The following EMP3 variants were observed in gnomAD, a reference collection of about 807,000 sequenced individuals.
The protein encoded by EMP3 is epithelial membrane protein 3 (MAM blood group), also known as epithelial membrane protein 3.
EMP3 carries 15 observed loss-of-function variants against 21.6 expected under a neutral mutation model. The observed-to-expected ratio is 0.69, with a 90% CI of 0.46 to 1.07. The LOEUF (loss-of-function observed/expected upper bound fraction) is 1.07, where lower values mean the gene tolerates loss of function less well. EMP3 is among the 50% of genes least tolerant of loss of function. EMP3 has a pLI of 0.00. For synonymous variants in EMP3, 107 were observed against 86.1 expected (o/e 1.24, Z -1.34); for missense variants, 183 against 206.6 (o/e 0.89, Z 0.70).
rs566153158 is a variant in EMP3, at chr19:48,327,503, G to T, written c.79-18G>T. 6.3e-7 allele frequency: 1 copy of T among 1,597,522 alleles called. No homozygotes were observed. The highest frequency in any genetic ancestry group is 1.3e-5 in the African/African-American group (1 of 74,562). The stretch of plus-strand genomic sequence containing the variant: ...CTTTCCTAACCCTGCCCCTTGTTTC[G>T]TTCTCTGTCCATCCCAGTCCTGGTG... On this transcript the variant is annotated intron_variant, in intron 2 of 4. Transcript: ENST00000270221.
At chr19:48,330,209 CGG>C in intron 4 of EMP3, 90 bp from the exon 5 acceptor site, 1 of 1,453,326 alleles carries the variant, frequency 6.9e-7, no homozygotes, top group Non-Finnish European at 9.1e-7. Context: ...GCGCTGCCCA[CGG>C]GCCCTCCGGC....
At chr19:48,328,411 C>CA (rs746709296) in intron 3 of EMP3, among the ~76,000 whole-genome samples, 33,391 of 80,372 alleles carry the variant, frequency 0.42, 6,095 homozygotes, top group Non-Finnish European at 0.47. Context: ...GATTCTGTCT[C>CA]AAAAAAAAAA....
chr19:48,326,813 C>T lies in EMP3; in HGVS notation c.-15-17C>T. The T allele has an allele frequency of 6.2e-7, 1 of 1,610,004 alleles. No individual in the cohort carries two copies. Among genetic ancestry groups the T allele is most frequent in the African/African-American group, 1.3e-5 (1 of 74,896 alleles). On this transcript the variant is annotated splice_polypyrimidine_tract_variant and intron_variant, in intron 1 of 4. Coordinates refer to ENST00000270221, the MANE Select transcript of EMP3 (RefSeq NM_001425.3). ...TGCCAACCTCTTGAGACTCCGTCCC[C>T]TGCTCCCCCTCCCCAGGCTTCCACT... is the stretch of plus-strand genomic sequence containing the variant.
intron 1 of EMP3, among the ~76,000 whole-genome samples, chr19:48,326,401 C>G (rs1332389574): frequency 6.6e-6 from 1 of 152,104 alleles, no homozygotes; most frequent in African/African-American, 2.4e-5. Context: ...TCTCAGGAAT[C>G]CAGGCCCCAG....
intron 2 of EMP3, among the ~76,000 whole-genome samples, chr19:48,327,156 C>G (rs1050168549): frequency 1.3e-5 from 2 of 152,132 alleles, no homozygotes; most frequent in Admixed American, 1.3e-4. Context: ...TCTCAGCCCC[C>G]CAAGTAGCTG....
chr19:48,330,200 C>G (rs1969183165), intron 4 of EMP3, 101 bp from the exon 5 acceptor site: 2 of 1,441,860 alleles, frequency 1.4e-6, no homozygotes, highest in Admixed American at 5.4e-5. Flanking sequence ...CAGGCAGCGG[C>G]GCTGCCCACG....
intron 2 of EMP3, 50 bp from the exon 3 acceptor site, chr19:48,327,471 C>A: frequency 7.1e-7 from 1 of 1,402,360 alleles, no homozygotes. Context: ...TGACCCTATC[C>A]CCTCTCCTTT....
intron 2 of EMP3, among the ~76,000 whole-genome samples, 195 bp downstream of exon 2, chr19:48,327,117 C>T (rs1260209201): frequency 2.0e-5 from 3 of 152,140 alleles, no homozygotes; most frequent in Admixed American, 6.5e-5. Flanking sequence ...ACTGCAACCT[C>T]GGCCTCCCGG....
chr19:48,329,585 TC>T lies in EMP3; in HGVS notation c.322+94del. On this transcript the variant is annotated intron_variant, in intron 4 of 4. Transcript: ENST00000270221. The surrounding 1 kb of genome is among the most constrained non-coding windows in gnomAD (Gnocchi z 4.5). Reference sequence around the variant, plus strand: ...ATGCTGGGGGCCCTGAGAATGGGCCTCTCGTAGAAAAAAACAACTTTCAACA... The same window carrying T: ...ATGCTGGGGGCCCTGAGAATGGGCCTTCGTAGAAAAAAACAACTTTCAACA... 2 of 1,514,488 alleles carry T rather than the reference TC, an allele frequency of 1.3e-6. No individual in the cohort carries two copies. The allele number at this position is 1,514,488 out of a possible 1,614,324, so 93.8% of individuals were successfully genotyped here. A position where few individuals can be genotyped will look rare whatever the true frequency, so the allele number is the denominator to read the frequency against.
intron 4 of EMP3, 69 bp from the exon 5 acceptor site, chr19:48,330,232 C>T: frequency 2.0e-6 from 3 of 1,474,860 alleles, no homozygotes; most frequent in South Asian, 2.8e-5. Context: ...GCTTCTTTGC[C>T]CCCATGGGAT....
At chr19:48,328,428 A>AAC (rs1969160590) in intron 3 of EMP3, among the ~76,000 whole-genome samples, 1 of 151,506 alleles carries the variant, frequency 6.6e-6, no homozygotes, top group East Asian at 1.9e-4. Context: ...AAAAAAAAAA[A>AAC]AAAAGAATAG....
chr19:48,329,566 G>T lies in EMP3; in HGVS notation c.322+74G>T. The stretch of plus-strand genomic sequence containing the variant: ...GGGAGTGGGGTGTGTCAAGATGCTG[G>T]GGGCCCTGAGAATGGGCCTCTCGTA... On this transcript the variant is annotated intron_variant, in intron 4 of 4. Transcript: ENST00000270221. The surrounding 1 kb of genome is among the most constrained non-coding windows in gnomAD (Gnocchi z 4.5). The T allele has an allele frequency of 6.4e-7, 1 of 1,567,302 alleles. No homozygotes were observed.
At chr19:48,327,724 A>G (rs1969147286) in intron 3 of EMP3, 101 bp downstream of exon 3, 2 of 1,146,434 alleles carry the variant, frequency 1.7e-6, no homozygotes, top group African/African-American at 1.5e-5. Context: ...ACAAAGTTGG[A>G]GTGGGCGGGG....
At position 48,326,770 on chromosome 19, in the gene EMP3, G is replaced by T. The variant is rs1307776108; in HGVS notation, c.-15-60G>T. ...CTCCCAAAGTGCTGGGGTTATAGGC[G>T]TGAGTGTGCCTGGCCTGTGCCAACC... On this transcript the variant is annotated intron_variant, in intron 1 of 4. Transcript: ENST00000270221. 5 of 1,422,660 alleles carry T rather than the reference G, an allele frequency of 3.5e-6. No homozygotes were observed. In the African/African-American group the frequency reaches 4.2e-5, roughly 12 times the overall value. The allele number at this position is 1,422,660 out of a possible 1,614,324, so 88.1% of individuals were successfully genotyped here. A position where few individuals can be genotyped will look rare whatever the true frequency, so the allele number is the denominator to read the frequency against.
rs1386135811 is a variant in EMP3 at position 48,329,325 on chromosome 19, T to G, written c.182-27T>G. ...CTGGAACTCTGGACCCACGGTGATG[T>G]CCCCCTCTGTGTCCTCCTTACTGCA... On this transcript the variant is annotated intron_variant, in intron 3 of 4. Coordinates refer to ENST00000270221, the MANE Select transcript of EMP3 (RefSeq NM_001425.3). The surrounding 1 kb of genome is among the most constrained non-coding windows in gnomAD (Gnocchi z 4.5). 1 of 1,613,464 alleles carries G rather than the reference T, an allele frequency of 6.2e-7. No individual in the cohort carries two copies.
rs537150650 is a variant in EMP3, at chr19:48,326,678, T to C, written c.-15-152T>C. Among the ~76,000 whole-genome samples, 9 of 151,968 alleles carry C rather than the reference T, an allele frequency of 5.9e-5. No individual in the cohort carries two copies. The East Asian group carries it at 1.4e-3, about 23-fold the overall frequency. On this transcript the variant is annotated intron_variant, in intron 1 of 4. Transcript: ENST00000270221. ...GCTAATTTTGTATTTTTAGTAGAGA[T>C]GGGGTTTCACCATGTTGGCCAGGCT...
rs778904325 is a variant in EMP3 at position 48,326,822 on chromosome 19, C to A, written c.-15-8C>A. On this transcript the variant is annotated splice_region_variant and splice_polypyrimidine_tract_variant and intron_variant, in intron 1 of 4. Coordinates refer to ENST00000270221, the MANE Select transcript of EMP3 (RefSeq NM_001425.3). ...CTTGAGACTCCGTCCCCTGCTCCCC[C>A]TCCCCAGGCTTCCACTGCAGCCATG... 2 of 1,612,790 alleles carry A rather than the reference C, an allele frequency of 1.2e-6. No homozygotes were observed. Among genetic ancestry groups the A allele is most frequent in the South Asian group, 1.1e-5 (1 of 91,046 alleles).
At chr19:48,327,220 C>T (rs574721128) in intron 2 of EMP3, among the ~76,000 whole-genome samples, 6 of 151,194 alleles carry the variant, frequency 4.0e-5, no homozygotes, top group South Asian at 2.1e-4. Context: ...TTGGTAGAGA[C>T]GGGGTTTCAC....
rs755623491 is a variant in EMP3, at chr19:48,330,423, G to A, written c.445G>A (p.Ala149Thr). The change falls in exon 5 of 5, where the codon GCC (alanine) becomes ACC (threonine). Residue 149 changes from alanine (A) to threonine (T), a missense_variant. Physicochemically the swap from Ala to Thr is moderately conservative, Grantham distance 58. Transcript: ENST00000270221. ...FALAWVAFPL[A>T]LVSGIIYIHL... ...CCTGGCCTGGGTGGCCTTCCCCCTC[G>A]CCCTGGTCAGCGGCATCATCTACAT... is the stretch of plus-strand genomic sequence containing the variant. 1.3e-6 allele frequency: 2 copies of A among 1,598,028 alleles called. No individual in the cohort carries two copies. The highest frequency in any genetic ancestry group is 1.7e-6 in the Non-Finnish European group (2 of 1,173,184).
Sources: allele counts gnomAD v4.1 joint callset (sites outside exome capture counted in the v4.1 genomes callset), GRCh38; gene constraint gnomAD v4.1.1; non-coding constraint Gnocchi (gnomAD v3.1); transcripts MANE v1.5; gene names NCBI Gene and HGNC (gene_info 2026-07-23, HGNC 2026-07-21).